ECT2L: variants seen among roughly 807,000 people sequenced by gnomAD.
ECT2L encodes epithelial cell-transforming sequence 2 oncogene-like.
In ECT2L, 126 loss-of-function variants were observed where a neutral mutation model predicts 122.8. That is an observed-to-expected ratio of 1.03 (90% CI 0.89 to 1.19). ECT2L has a LOEUF of 1.19. Among genes scored for constraint, ECT2L ranks in the 50% most tolerant of loss-of-function variants. The pLI, the probability that ECT2L is intolerant of heterozygous loss-of-function variation, is 0.00. For missense variants in ECT2L, 1,012 were observed against 1,064.1 expected, an observed-to-expected ratio of 0.95 and a Z score of 0.68; for synonymous variants, 385 against 381.8, an observed-to-expected ratio of 1.01 and a Z score of -0.10.
chr6:138,852,140 C>T (rs755221323), intron 9 of ECT2L, among the ~76,000 whole-genome samples: 1 of 152,136 alleles, frequency 6.6e-6, no homozygotes, highest in African/African-American at 2.4e-5. Flanking sequence ...ATTAGCTGGG[C>T]GTGGTGGCAC....
Position 138,902,566 on chromosome 6 carries a change from A to C in ECT2L, c.2654A>C (p.Asp885Ala). Residue 885 changes from aspartate (D) to alanine (A), a missense_variant, in exon 22 of 22, where the codon GAT becomes GCT. Physicochemically the swap from Asp to Ala is moderately radical, Grantham distance 126. Transcript: ENST00000541398. The stretch of plus-strand genomic sequence containing the variant: ...TGGATTTGTGCTACAGAAATAGAGG[A>C]TGATAAGTTCCTATGGCTGTCAGTA... ...YKWICATEIE[D>A]DKFLWLSVLR... 1.2e-6 allele frequency: 2 copies of C among 1,613,856 alleles called. No homozygotes were observed. The highest frequency in any genetic ancestry group is 8.5e-7 in the Non-Finnish European group (1 of 1,179,806).
intron 15 of ECT2L, among the ~76,000 whole-genome samples, chr6:138,882,370 T>C (rs1778671543): frequency 6.6e-6 from 1 of 152,204 alleles, no homozygotes; most frequent in African/African-American, 2.4e-5. Flanking sequence ...ATTCAGCTGT[T>C]GAAGACAGTG....
chr6:138,877,108 T>A (rs1172405133), intron 14 of ECT2L, among the ~76,000 whole-genome samples: 2 of 152,122 alleles, frequency 1.3e-5, no homozygotes, highest in East Asian at 3.9e-4. Flanking sequence ...AAAGGACACA[T>A]CCCTAGCCAC....
At chr6:138,798,590 C>T (rs1298279415) in intron 1 of ECT2L, among the ~76,000 whole-genome samples, 5 of 152,174 alleles carry the variant, frequency 3.3e-5, no homozygotes, top group Admixed American at 3.3e-4. Context: ...TGTCACACAA[C>T]AGGCCCCATC....
At chr6:138,848,175 A>G (rs1056078915) in intron 8 of ECT2L, among the ~76,000 whole-genome samples, 8 of 152,184 alleles carry the variant, frequency 5.3e-5, no homozygotes, top group African/African-American at 1.9e-4. Context: ...GGGGATTACA[A>G]TTCAAGATGA....
intron 14 of ECT2L, among the ~76,000 whole-genome samples, chr6:138,880,274 A>C (rs145669871): frequency 6.6e-6 from 1 of 152,208 alleles, no homozygotes; most frequent in Admixed American, 6.5e-5. Context: ...CAAGATGCTA[A>C]CATCTGTCAA....
intron 14 of ECT2L, among the ~76,000 whole-genome samples, chr6:138,880,281 T>C (rs375558183): frequency 1.3e-5 from 2 of 152,212 alleles, no homozygotes; most frequent in East Asian, 1.9e-4. Context: ...CTAACATCTG[T>C]CAAGGGCCTT....
At chr6:138,859,643 A>G (rs1777746898) in intron 10 of ECT2L, among the ~76,000 whole-genome samples, 1 of 152,172 alleles carries the variant, frequency 6.6e-6, no homozygotes, top group South Asian at 2.1e-4. Flanking sequence ...GATGCTCAAG[A>G]TCTTTTCATG....
At chr6:138,879,930 AAAAGAGAG>A (rs1778587964) in intron 14 of ECT2L, among the ~76,000 whole-genome samples, 2 of 152,040 alleles carry the variant, frequency 1.3e-5, no homozygotes, top group South Asian at 4.2e-4. Flanking sequence ...TCCAGCCTGG[AAAAGAGAG>A]TAAGACTCCA....
At chr6:138,837,910 T>A (rs1407982745) in intron 4 of ECT2L, among the ~76,000 whole-genome samples, 1 of 151,886 alleles carries the variant, frequency 6.6e-6, no homozygotes, top group Non-Finnish European at 1.5e-5. Context: ...TACTTTTTTT[T>A]TTTTTTTTGA....
intron 20 of ECT2L, among the ~76,000 whole-genome samples, chr6:138,894,808 C>A (rs192022635): frequency 6.6e-6 from 1 of 152,302 alleles, no homozygotes; most frequent in Admixed American, 6.5e-5. Flanking sequence ...TTCCTGGTAA[C>A]TGAATCTATG....
intron 20 of ECT2L, among the ~76,000 whole-genome samples, chr6:138,891,659 C>T (rs748935237): frequency 6.6e-6 from 1 of 152,170 alleles, no homozygotes; most frequent in Non-Finnish European, 1.5e-5. Flanking sequence ...GTATACCTTA[C>T]ATATATTGAT....
intron 4 of ECT2L, among the ~76,000 whole-genome samples, chr6:138,826,662 CA>C (rs540381231): frequency 5.9e-5 from 9 of 151,398 alleles, no homozygotes; most frequent in Non-Finnish European, 1.2e-4. Flanking sequence ...CACTCCATCT[CA>C]AAAAAAAGAA....
chr6:138,824,376 G>T lies in ECT2L; in HGVS notation c.179+9773G>T, dbSNP rs544102016. Among the ~76,000 whole-genome samples the T allele has an allele frequency of 2.9e-3, 431 of 151,150 alleles. 1 individual carries two copies. The highest frequency in any genetic ancestry group is 0.01 in the African/African-American group (414 of 41,218). ...ATTATTAAAGAGGTTCATGTTAAAA[G>T]GCATTTATAATTATTTTTAATTATC... On this transcript the variant is annotated intron_variant, in intron 4 of 21. Coordinates refer to ENST00000541398, the MANE Select transcript of ECT2L (RefSeq NM_001077706.3).
chr6:138,826,658 A>G (rs1314429640), intron 4 of ECT2L, among the ~76,000 whole-genome samples: 3 of 152,052 alleles, frequency 2.0e-5, no homozygotes, highest in Non-Finnish European at 4.4e-5. Flanking sequence ...CAGACACTCC[A>G]TCTCAAAAAA....
At chr6:138,822,801 A>G (rs1776311800) in intron 4 of ECT2L, 1 of 1,610,852 alleles carries the variant, frequency 6.2e-7, no homozygotes, top group Non-Finnish European at 8.5e-7. Context: ...AAATGAAATG[A>G]ATGGCACTTA....
At chr6:138,815,392 C>T (rs1485302878) in intron 4 of ECT2L, among the ~76,000 whole-genome samples, 1 of 152,202 alleles carries the variant, frequency 6.6e-6, no homozygotes, top group African/African-American at 2.4e-5. Flanking sequence ...CCGAAATATT[C>T]TAGAGAGCCC....
chr6:138,846,764 C>A (rs902354666), intron 8 of ECT2L, 87 bp downstream of exon 8: 2 of 1,297,558 alleles, frequency 1.5e-6, no homozygotes, highest in East Asian at 2.7e-5. Context: ...GTGTGACAAG[C>A]TTTTGGCCAC....
chr6:138,833,991 T>C (rs1776741623), intron 4 of ECT2L, among the ~76,000 whole-genome samples: 1 of 152,070 alleles, frequency 6.6e-6, no homozygotes. Flanking sequence ...CACAGGCCTC[T>C]CTCCAAGCTG....
Sources: allele counts gnomAD v4.1 joint callset (sites outside exome capture counted in the v4.1 genomes callset), GRCh38; gene constraint gnomAD v4.1.1; transcripts MANE v1.5; gene names NCBI Gene and HGNC (gene_info 2026-07-23, HGNC 2026-07-21).